Variants in SYNE3 observed in about 807,000 individuals in gnomAD.
SYNE3 encodes nesprin-3.
SYNE3 carries 100 observed loss-of-function variants against 111.2 expected under a neutral mutation model. The observed-to-expected ratio is 0.90, with a 90% CI of 0.77 to 1.06. The LOEUF is 1.06. Among genes scored for constraint, SYNE3 ranks in the 50% least tolerant of loss-of-function variants. SYNE3 has a pLI of 0.00. For synonymous variants in SYNE3, 547 were observed against 533.9 expected, an observed-to-expected ratio of 1.02 and a Z score of -0.34; for missense variants, 1,160 against 1,240.3, an observed-to-expected ratio of 0.94 and a Z score of 0.97.
At chr14:95,482,818 A>C (rs1307733275) in intron 1 of SYNE3, among the ~76,000 whole-genome samples, 1 of 152,210 alleles carries the variant, frequency 6.6e-6, no homozygotes, top group Non-Finnish European at 1.5e-5. Flanking sequence ...AGGCCCAGTG[A>C]CACATTCACA....
intron 1 of SYNE3, among the ~76,000 whole-genome samples, chr14:95,506,551 CT>C (rs1200287303): frequency 6.6e-6 from 1 of 152,236 alleles, no homozygotes; most frequent in Non-Finnish European, 1.5e-5. Context: ...CAGCTGCGCC[CT>C]GTTCAACTCA....
intron 1 of SYNE3, among the ~76,000 whole-genome samples, chr14:95,494,146 G>A (rs200739361): frequency 4.0e-5 from 6 of 150,686 alleles, no homozygotes; most frequent in Middle Eastern, 3.4e-3. Context: ...TTAAAAAAAA[G>A]AAAAAAAAAA....
Position 95,417,756 on chromosome 14 carries a change from G to T in SYNE3, c.*70C>A, listed in dbSNP as rs1471244945. 2.6e-6 allele frequency: 4 copies of T among 1,534,278 alleles called. No homozygotes were observed. Among genetic ancestry groups the T allele is most frequent in the Admixed American group, 1.7e-5 (1 of 59,804 alleles). On this transcript the variant is annotated 3_prime_UTR_variant, in exon 18 of 18. Transcript: ENST00000682763. ...TGCCCCTGTTTCCAGTTTCCCTGGC[G>T]AGCATCCTCAGGAGGGGCCCTGGGA...
At chr14:95,449,709 G>A (rs895734045) in intron 8 of SYNE3, 2 of 981,598 alleles carry the variant, frequency 2.0e-6, no homozygotes, top group South Asian at 4.7e-5. Context: ...GCGTCCGTAC[G>A]GAGCCCCGGG....
chr14:95,498,583 C>G (rs4905333), intron 1 of SYNE3, among the ~76,000 whole-genome samples: 2 of 152,182 alleles, frequency 1.3e-5, no homozygotes, highest in African/African-American at 4.8e-5. Context: ...TTAAGTCCAG[C>G]ATTCAAGTTA....
chr14:95,481,031 T>C (rs1185499491), intron 1 of SYNE3, among the ~76,000 whole-genome samples: 1 of 150,482 alleles, frequency 6.6e-6, no homozygotes, highest in Non-Finnish European at 1.5e-5. Flanking sequence ...ATCTACCTCT[T>C]AGAATGCTGC....
chr14:95,498,032 A>AAAAC (rs1890170782), intron 1 of SYNE3, among the ~76,000 whole-genome samples: 1 of 151,174 alleles, frequency 6.6e-6, no homozygotes, highest in Non-Finnish European at 1.5e-5. Flanking sequence ...CAACTCTTAA[A>AAAAC]AAAAAAAAAA....
chr14:95,411,874 G>A lies in SYNE3; in HGVS notation c.*5952C>T, dbSNP rs1440823250. The stretch of plus-strand genomic sequence containing the variant: ...CCTTGAGCATGGACACGCCAACCCA[G>A]ATGATCCCCAGTGGGGAAAAGTGGG... On this transcript the variant is annotated 3_prime_UTR_variant, in exon 18 of 18. Transcript: ENST00000682763. 1 of 152,356 alleles carries A rather than the reference G, an allele frequency of 6.6e-6. No homozygotes were observed. Among genetic ancestry groups the A allele is most frequent in the Non-Finnish European group, 1.5e-5 (1 of 68,112 alleles). The allele number at this position is 152,356 out of a possible 1,614,324, so 9.4% of individuals were successfully genotyped here.
At chr14:95,443,046 G>T in intron 11 of SYNE3, 109 bp downstream of exon 11, 1 of 1,367,966 alleles carries the variant, frequency 7.3e-7, no homozygotes, top group South Asian at 1.4e-5. Flanking sequence ...AAAGAAAAAA[G>T]AGAGGTTAGA....
chr14:95,424,931 T>C (rs544022278), intron 17 of SYNE3, among the ~76,000 whole-genome samples: 1 of 152,266 alleles, frequency 6.6e-6, no homozygotes, highest in South Asian at 2.1e-4. Flanking sequence ...TGGAATATAA[T>C]TCAGTGGTCA....
At chr14:95,457,791 A>C (rs1459458279) in intron 4 of SYNE3, among the ~76,000 whole-genome samples, 1 of 152,222 alleles carries the variant, frequency 6.6e-6, no homozygotes, top group Non-Finnish European at 1.5e-5. Context: ...TTACAGTCCC[A>C]GTGTGACAGA....
At chr14:95,457,483 G>A (rs1032167661) in intron 4 of SYNE3, 145 bp from the exon 5 acceptor site, 6 of 843,244 alleles carry the variant, frequency 7.1e-6, no homozygotes, top group Non-Finnish European at 9.1e-6. Context: ...CCTTTCTCTA[G>A]ACACAAAGAG....
At chr14:95,430,702 T>A (rs1432002692) in intron 17 of SYNE3, among the ~76,000 whole-genome samples, 1 of 151,892 alleles carries the variant, frequency 6.6e-6, no homozygotes, top group Non-Finnish European at 1.5e-5. Flanking sequence ...CGCATGCCTG[T>A]AATCCCAGCT....
Position 95,412,307 on chromosome 14 carries a change from C to T in SYNE3, c.*5519G>A, listed in dbSNP as rs919532817. 6.6e-6 allele frequency: 1 copy of T among 152,296 alleles called. No homozygotes were observed. Among genetic ancestry groups the T allele is most frequent in the Non-Finnish European group, 1.5e-5 (1 of 68,090 alleles). 9.4% of individuals were successfully genotyped at this position (152,296 alleles called of 1,614,324 possible). A position where few individuals can be genotyped will look rare whatever the true frequency, so the allele number is the denominator to read the frequency against. The stretch of plus-strand genomic sequence containing the variant: ...AGTTTCTGTGACAGTGGGCCTGCCC[C>T]CTCTGGAAAGGCAGATGGGCAAAGT... On this transcript the variant is annotated 3_prime_UTR_variant, in exon 18 of 18. Transcript: ENST00000682763.
intron 14 of SYNE3, chr14:95,437,779 G>C (rs1427204615): frequency 2.6e-5 from 4 of 152,166 alleles, no homozygotes; most frequent in African/African-American, 9.7e-5. Context: ...AAGGGAAAGT[G>C]ATGGGTAAAA....
At chr14:95,460,994 G>A (rs149177644) in intron 4 of SYNE3, among the ~76,000 whole-genome samples, 3 of 152,284 alleles carry the variant, frequency 2.0e-5, no homozygotes, top group Admixed American at 1.3e-4. Context: ...AGAGGACCTC[G>A]GCAGGAGGGG....
chr14:95,434,884 C>T (rs1358860271), intron 15 of SYNE3, among the ~76,000 whole-genome samples: 1 of 152,170 alleles, frequency 6.6e-6, no homozygotes, highest in Admixed American at 6.5e-5. Flanking sequence ...GAACTCCTGA[C>T]CTCAGGTGAT....
rs1190353421 is a variant in SYNE3, at chr14:95,470,314, T to C, written c.145-2347A>G. 6.6e-6 allele frequency among the ~76,000 whole-genome samples: 1 copy of C among 152,014 alleles called. No homozygotes were observed. Among genetic ancestry groups the C allele is most frequent in the Non-Finnish European group, 1.5e-5 (1 of 68,008 alleles). ...TGGCTGAGGATGAATTTGTTGCCAT[T>C]CAGAGAGAGATTTAATTTGATTAAA... On this transcript the variant is annotated intron_variant, in intron 2 of 17. Coordinates refer to ENST00000682763, the MANE Select transcript of SYNE3 (RefSeq NM_152592.6). This position sits in a 1 kb window ranked among gnomAD's most constrained non-coding sequence, Gnocchi z 4.2.
At chr14:95,513,836 T>C (rs1487819025) in intron 1 of SYNE3, among the ~76,000 whole-genome samples, 1 of 147,626 alleles carries the variant, frequency 6.8e-6, no homozygotes, top group Non-Finnish European at 1.5e-5. Context: ...TCCTGTCCGG[T>C]CAGTACTGTT....
Sources: allele counts gnomAD v4.1 joint callset (sites outside exome capture counted in the v4.1 genomes callset), GRCh38; gene constraint gnomAD v4.1.1; non-coding constraint Gnocchi (gnomAD v3.1); transcripts MANE v1.5; gene names NCBI Gene and HGNC (gene_info 2026-07-23, HGNC 2026-07-21).